The following DGKZ variants were observed in gnomAD, a reference collection of about 807,000 sequenced individuals.
DGKZ encodes the protein diacylglycerol kinase zeta.
Under a neutral mutation model 142.5 loss-of-function variants are expected in DGKZ, and 45 were observed. The observed-to-expected ratio is 0.32, with a 90% CI of 0.25 to 0.40. The LOEUF is 0.40. Among genes scored for constraint, DGKZ ranks in the 10% least tolerant of loss-of-function variants. The probability of loss-of-function intolerance (pLI) is 1.00; values close to 1 mark genes in which losing one functional copy is unlikely to be tolerated. For synonymous variants in DGKZ, 442 were observed against 527.0 expected (o/e 0.84, Z 2.21); for missense variants, 755 against 1,306.5 (o/e 0.58, Z 6.51).
intron 1 of DGKZ, among the ~76,000 whole-genome samples, chr11:46,339,354 G>C (rs981615782): frequency 2.6e-5 from 4 of 152,266 alleles, no homozygotes; most frequent in Non-Finnish European, 5.9e-5. Context: ...ACCAGGGGCA[G>C]AGAGCTGAGC....
At chr11:46,376,902 A>T (rs1028507791) in intron 24 of DGKZ, 171 bp from the exon 25 acceptor site, 5 of 663,130 alleles carry the variant, frequency 7.5e-6, no homozygotes, top group Non-Finnish European at 1.1e-5. Flanking sequence ...CAGTCGGAGG[A>T]GGTGTCAGGA....
Position 46,369,938 on chromosome 11 carries a change from C to T in DGKZ, c.502-3C>T. ...CAGTGAAATTTTTCCCCTTCTCCCC[C>T]AGCCAACCTTTGTACGGCACCACTG... On this transcript the variant is annotated splice_polypyrimidine_tract_variant and splice_region_variant and intron_variant, in intron 5 of 30. Transcript: ENST00000527911. The T allele has an allele frequency of 6.2e-7, 1 of 1,613,984 alleles. No individual in the cohort carries two copies. Among genetic ancestry groups the T allele is most frequent in the Non-Finnish European group, 8.5e-7 (1 of 1,180,040 alleles).
upstream of DGKZ, among the ~76,000 whole-genome samples, chr11:46,346,639 A>C (rs544656364): frequency 6.6e-6 from 1 of 152,202 alleles, no homozygotes; most frequent in Admixed American, 6.5e-5. Flanking sequence ...TGTATGTAGG[A>C]GAAAGGTGTG....
chr11:46,363,304 C>T (rs756744585), intron 1 of DGKZ, among the ~76,000 whole-genome samples: 1 of 152,140 alleles, frequency 6.6e-6, no homozygotes, highest in Non-Finnish European at 1.5e-5. Flanking sequence ...CATGGGAGCA[C>T]GGAGGCATGG....
intron 20 of DGKZ, 49 bp downstream of exon 20, chr11:46,375,680 C>A: frequency 6.6e-7 from 1 of 1,522,560 alleles, no homozygotes; most frequent in Non-Finnish European, 8.8e-7. Flanking sequence ...CAGACCCTGC[C>A]CTCTCTGGGC....
chr11:46,356,297 A>G (rs1359196551), intron 1 of DGKZ, among the ~76,000 whole-genome samples: 1 of 152,144 alleles, frequency 6.6e-6, no homozygotes, highest in Non-Finnish European at 1.5e-5. Flanking sequence ...TTGTCCACCC[A>G]GTGCAGCAGG....
At position 46,366,578 on chromosome 11, in the gene DGKZ, C is replaced by G. The variant is rs755231441; in HGVS notation, c.162-713C>G. The G allele has an allele frequency of 1.9e-6, 3 of 1,606,936 alleles. No homozygotes were observed. The highest frequency in any genetic ancestry group is 1.7e-6 in the Non-Finnish European group (2 of 1,177,364). The stretch of plus-strand genomic sequence containing the variant: ...GGGGGCCCAGCTTCTGGGTGCACCC[C>G]TGCTGTTGACCGGGCTTGTGGGCAT... On this transcript the variant is annotated intron_variant, in intron 1 of 30. Coordinates refer to ENST00000527911, the Ensembl canonical transcript of DGKZ.
intron 1 of DGKZ, among the ~76,000 whole-genome samples, chr11:46,340,696 A>G (rs2136380769): frequency 6.6e-6 from 1 of 152,370 alleles, no homozygotes; most frequent in South Asian, 2.1e-4. Context: ...CCTGCAACCC[A>G]GCTCAGACAC....
intron 1 of DGKZ, among the ~76,000 whole-genome samples, chr11:46,356,286 C>G (rs559783064): frequency 8.5e-5 from 13 of 152,310 alleles, no homozygotes; most frequent in Admixed American, 1.3e-4. Context: ...CCAGACCAGA[C>G]TTGTCCACCC....
At chr11:46,373,839 G>T (rs964912744) in intron 14 of DGKZ, among the ~76,000 whole-genome samples, 5 of 152,214 alleles carry the variant, frequency 3.3e-5, no homozygotes, top group South Asian at 2.1e-4. Context: ...CTGAGCGCCT[G>T]CTACCTGCCA....
At chr11:46,347,405 C>G, upstream of DGKZ, 1 of 983,366 alleles carries the variant, frequency 1.0e-6, no homozygotes, top group African/African-American at 1.8e-5. This position sits in a 1 kb window ranked among gnomAD's most constrained non-coding sequence, Gnocchi z 6.4. Context: ...GGGGCGTGCT[C>G]GGCGGCGGGC....
chr11:46,340,616 T>C (rs1244604381), intron 1 of DGKZ, among the ~76,000 whole-genome samples: 2 of 152,218 alleles, frequency 1.3e-5, no homozygotes, highest in African/African-American at 4.8e-5. Context: ...GGTTTCCTCC[T>C]GCTCATGACT....
intron 25 of DGKZ, chr11:46,377,589 G>C (rs537166664): frequency 3.6e-6 from 1 of 275,114 alleles, no homozygotes; most frequent in Admixed American, 4.8e-5. Flanking sequence ...TCCATACCAC[G>C]GTCAACTAAA....
At chr11:46,379,565 G>A in exon 30 of DGKZ, 1 of 1,606,554 alleles carries the variant, frequency 6.2e-7, no homozygotes, top group South Asian at 1.1e-5. Context: ...AGACAGACCA[G>A]CAGGTGAGCA....
Position 46,372,439 on chromosome 11 carries a change from C to G in DGKZ, c.939C>G (p.Ile313Met). Residue 313 changes from isoleucine to methionine, a missense_variant, in exon 11 of 31, where the codon ATC becomes ATG. This residue lies in a region of DGKZ where 191 missense variants were observed against 472.1 expected (regional missense o/e 0.40). Coordinates refer to ENST00000527911, the Ensembl canonical transcript of DGKZ. The surrounding 1 kb of genome is among the most constrained non-coding windows in gnomAD (Gnocchi z 5.9). The stretch of plus-strand genomic sequence containing the variant: ...CCCATCCCATCCAGGGTGCAAAGAT[C>G]ATCCAGTCTTTCCTCTGGTATCTCA... 2 of 1,614,032 alleles carry G rather than the reference C, an allele frequency of 1.2e-6. No homozygotes were observed. Among genetic ancestry groups the G allele is most frequent in the Non-Finnish European group, 1.7e-6 (2 of 1,179,990 alleles).
chr11:46,362,435 G>A (rs1447125038), intron 1 of DGKZ, among the ~76,000 whole-genome samples: 1 of 152,154 alleles, frequency 6.6e-6, no homozygotes, highest in Admixed American at 6.5e-5. Flanking sequence ...CCCTTTCTGG[G>A]TTCCTGGCCT....
At chr11:46,347,331 G>T, upstream of DGKZ, 2 of 984,912 alleles carry the variant, frequency 2.0e-6, no homozygotes, top group Non-Finnish European at 2.4e-6. The surrounding 1 kb of genome is among the most constrained non-coding windows in gnomAD (Gnocchi z 6.4). Context: ...CCGCCCCAGC[G>T]GGCTGCAGCG....
chr11:46,374,000 C>A (rs1468893207), intron 14 of DGKZ, among the ~76,000 whole-genome samples, 157 bp from the exon 15 acceptor site: 3 of 152,218 alleles, frequency 2.0e-5, no homozygotes, highest in Non-Finnish European at 2.9e-5. Flanking sequence ...CAGGGCTGTG[C>A]CTGACAGCGG....
intron 1 of DGKZ, among the ~76,000 whole-genome samples, chr11:46,333,955 A>G (rs1295284083): frequency 6.6e-6 from 1 of 152,078 alleles, no homozygotes; most frequent in African/African-American, 2.4e-5. Flanking sequence ...CTGCCCAGAG[A>G]TGGGGAACAG....
Sources: allele counts gnomAD v4.1 joint callset (sites outside exome capture counted in the v4.1 genomes callset), GRCh38; gene constraint gnomAD v4.1.1; regional missense constraint gnomAD v4.1.1; non-coding constraint Gnocchi (gnomAD v3.1); transcripts MANE v1.5; gene names NCBI Gene and HGNC (gene_info 2026-07-23, HGNC 2026-07-21).